The following DNAH11 variants were observed in gnomAD, a reference collection of about 807,000 sequenced individuals.
DNAH11 encodes the protein axonemal beta dynein heavy chain 11.
In DNAH11, 442 loss-of-function variants were observed where a neutral mutation model predicts 526.0. The observed-to-expected ratio is 0.84, with a 90% CI of 0.78 to 0.91. The LOEUF (loss-of-function observed/expected upper bound fraction) is 0.91. Ranked by LOEUF, DNAH11 falls within the 40% of genes least tolerant of loss-of-function variation. The probability of loss-of-function intolerance (pLI) is 0.00; values close to 1 mark genes in which losing one functional copy is unlikely to be tolerated. For missense variants in DNAH11, 6,989 were observed against 5,448.7 expected, an observed-to-expected ratio of 1.28 and a Z score of -8.90; for synonymous variants, 2,461 against 1,935.9, an observed-to-expected ratio of 1.27 and a Z score of -7.12.
chr7:21,691,085 T>C (rs1302666604), intron 35 of DNAH11, among the ~76,000 whole-genome samples: 2 of 152,232 alleles, frequency 1.3e-5, no homozygotes, highest in African/African-American at 4.8e-5. Context: ...AAATCAGTAT[T>C]TAAAAGTTAC....
intron 30 of DNAH11, among the ~76,000 whole-genome samples, chr7:21,663,435 C>G (rs1267795091): frequency 6.6e-6 from 1 of 152,074 alleles, no homozygotes; most frequent in Non-Finnish European, 1.5e-5. Flanking sequence ...AATTTATATT[C>G]TCACGAAGAA....
chr7:21,620,014 A>G lies in DNAH11; in HGVS notation c.4436A>G (p.Tyr1479Cys), dbSNP rs758744109. 3.7e-6 allele frequency: 6 copies of G among 1,610,152 alleles called. No homozygotes were observed. Among genetic ancestry groups the G allele is most frequent in the East Asian group, 2.2e-5 (1 of 44,690 alleles). ...ATGAAGTTTTCTTACGAAGTTCACT[A>G]TCGAACAGGCATTCCATTACTAAAG... ...ATMKFSYEVHYRTGIPLLKSD... is the reference protein window; with the variant it reads ...ATMKFSYEVHCRTGIPLLKSD... Residue 1479 changes from tyrosine to cysteine, a missense_variant, in exon 25 of 82, where the codon TAT becomes TGT. Coordinates refer to ENST00000409508, the MANE Select transcript of DNAH11 (RefSeq NM_001277115.2).
chr7:21,857,370 G>T (rs1305329334), intron 68 of DNAH11, among the ~76,000 whole-genome samples: 2 of 152,096 alleles, frequency 1.3e-5, no homozygotes, highest in Non-Finnish European at 2.9e-5. Flanking sequence ...GCTCAATATT[G>T]TTAAGATGTC....
chr7:21,606,819 G>A, intron 20 of DNAH11, 86 bp downstream of exon 20: 3 of 1,189,652 alleles, frequency 2.5e-6, no homozygotes, highest in Non-Finnish European at 3.6e-6. Context: ...GCCACATTTT[G>A]TCTTTGTTTT....
At chr7:21,773,518 T>C (rs1787528895) in intron 55 of DNAH11, among the ~76,000 whole-genome samples, 1 of 152,108 alleles carries the variant, frequency 6.6e-6, no homozygotes, top group South Asian at 2.1e-4. Context: ...GGCTTTTGTA[T>C]TTGGTATGTG....
chr7:21,574,849 G>A (rs530981498), intron 8 of DNAH11, among the ~76,000 whole-genome samples: 17 of 142,942 alleles, frequency 1.2e-4, no homozygotes, highest in African/African-American at 2.6e-4. Context: ...GATTACAGGC[G>A]TGAGCCACTG....
At chr7:21,843,803 T>A (rs1426750924) in intron 66 of DNAH11, among the ~76,000 whole-genome samples, 1 of 152,196 alleles carries the variant, frequency 6.6e-6, no homozygotes, top group Non-Finnish European at 1.5e-5. Flanking sequence ...TTTCTAATAA[T>A]AAATTTGAGT....
chr7:21,854,320 T>C lies in DNAH11; in HGVS notation c.11067T>C (p.Ile3689=). Residue 3689 remains isoleucine (I), a synonymous_variant, in exon 68 of 82, where the codon ATT becomes ATC. Coordinates refer to ENST00000409508, the MANE Select transcript of DNAH11 (RefSeq NM_001277115.2). The part of the protein sequence containing the change: ...TTVAEIEHKV[I]EAKENERKIN... ...TTTGTTTGATCCCACCATAGGTGAT[T>C]GAAGCCAAAGAAAATGAAAGAAAAA... 6.2e-7 allele frequency: 1 copy of C among 1,613,660 alleles called. No homozygotes were observed. The highest frequency in any genetic ancestry group is 8.5e-7 in the Non-Finnish European group (1 of 1,179,774).
At position 21,807,961 on chromosome 7, in the gene DNAH11, C is replaced by G. The variant is rs778003957; in HGVS notation, c.10244C>G (p.Ala3415Gly). The stretch of plus-strand genomic sequence containing the variant: ...CTCTGTGGAGATGTTCTTCTCACGG[C>G]GGCATTTGTGTCTTACGTCGGACCC... The part of the protein sequence containing the change: ...KTLCGDVLLT[A>G]AFVSYVGPFT... The change falls in exon 63 of 82, where the codon GCG (alanine) becomes GGG (glycine). Residue 3415 changes from alanine to glycine, a missense_variant. Physicochemically the swap from Ala to Gly is moderately conservative, Grantham distance 60. Coordinates refer to ENST00000409508, the MANE Select transcript of DNAH11 (RefSeq NM_001277115.2). 1 of 1,608,028 alleles carries G rather than the reference C, an allele frequency of 6.2e-7. No individual in the cohort carries two copies. Among genetic ancestry groups the G allele is most frequent in the Admixed American group, 1.7e-5 (1 of 59,836 alleles).
intron 55 of DNAH11, 118 bp from the exon 56 acceptor site, chr7:21,773,648 T>C: frequency 1.3e-6 from 1 of 778,780 alleles, no homozygotes; most frequent in Non-Finnish European, 2.0e-6. Flanking sequence ...TTTCGTAGGT[T>C]ATACTATCAT....
At chr7:21,750,618 C>A (rs1278267059) in intron 54 of DNAH11, among the ~76,000 whole-genome samples, 1 of 152,176 alleles carries the variant, frequency 6.6e-6, no homozygotes, top group African/African-American at 2.4e-5. Context: ...GAGGAACTTA[C>A]ACTATTGTAG....
chr7:21,555,815 T>G (rs888692498), intron 2 of DNAH11, among the ~76,000 whole-genome samples: 1 of 152,160 alleles, frequency 6.6e-6, no homozygotes, highest in Admixed American at 6.5e-5. Flanking sequence ...CACTTAAATT[T>G]TGTGGGACGT....
chr7:21,572,248 C>A (rs1783922285), intron 8 of DNAH11, among the ~76,000 whole-genome samples: 1 of 152,140 alleles, frequency 6.6e-6, no homozygotes, highest in African/African-American at 2.4e-5. Flanking sequence ...CAGAAACTTT[C>A]CACATGAATT....
chr7:21,831,008 G>C (rs1790529189), intron 65 of DNAH11, among the ~76,000 whole-genome samples: 1 of 152,180 alleles, frequency 6.6e-6, no homozygotes, highest in Non-Finnish European at 1.5e-5. Flanking sequence ...AATCCTATGG[G>C]AGCAGCCCCG....
At position 21,560,137 on chromosome 7, in the gene DNAH11, T is replaced by A. The variant is rs183673582; in HGVS notation, c.882+345T>A. Among the ~76,000 whole-genome samples, 6 of 152,304 alleles carry A rather than the reference T, an allele frequency of 3.9e-5. No homozygotes were observed. The East Asian group carries it at 1.2e-3, about 29-fold the overall frequency. ...CTTGCTTGGTAGAGAGACACAGCTT[T>A]GGAAAGACTAACTTTGGTTCCTCTG... On this transcript the variant is annotated intron_variant, in intron 4 of 81. Coordinates refer to ENST00000409508, the MANE Select transcript of DNAH11 (RefSeq NM_001277115.2).
chr7:21,678,236 G>GT lies in DNAH11; in HGVS notation c.5329-3302dup, dbSNP rs199857777. On this transcript the variant is annotated intron_variant, in intron 30 of 81. Coordinates refer to ENST00000409508, the MANE Select transcript of DNAH11 (RefSeq NM_001277115.2). ...TCTTTAAGTCTTTGATTCATTTTGA[G>GT]TTTTTTTTGTGTGTGTATAGTGTAA... Among the ~76,000 whole-genome samples the GT allele has an allele frequency of 3.6e-3, 538 of 150,228 alleles. 3 individuals are homozygous for GT. Among genetic ancestry groups the GT allele is most frequent in the Middle Eastern group, 6.9e-3 (2 of 290 alleles).
intron 68 of DNAH11, among the ~76,000 whole-genome samples, chr7:21,856,990 G>A (rs1022436286): frequency 1.3e-5 from 2 of 152,164 alleles, no homozygotes; most frequent in Admixed American, 6.6e-5. Flanking sequence ...GGTACAGTAA[G>A]ACAATAGAAG....
Position 21,620,129 on chromosome 7 carries a change from C to A in DNAH11, c.4500+51C>A, listed in dbSNP as rs1296408247. The A allele has an allele frequency of 8.7e-6, 12 of 1,384,004 alleles. No individual in the cohort carries two copies. In the South Asian group the frequency reaches 1.6e-4, roughly 19 times the overall value. 85.7% of individuals were successfully genotyped at this position (1,384,004 alleles called of 1,614,324 possible). On this transcript the variant is annotated intron_variant, in intron 25 of 81. Coordinates refer to ENST00000409508, the MANE Select transcript of DNAH11 (RefSeq NM_001277115.2). ...TATTTTTCATTTTATTTTTATTTGA[C>A]AAATAATTGTATATATAGGGTACCA...
rs560422029 is a variant in DNAH11, at chr7:21,826,521, C to G, written c.10691+8182C>G. 2.0e-5 allele frequency among the ~76,000 whole-genome samples: 3 copies of G among 151,904 alleles called. No homozygotes were observed. In the South Asian group the frequency reaches 6.2e-4, roughly 32 times the overall value. On this transcript the variant is annotated intron_variant, in intron 65 of 81. Transcript: ENST00000409508. Reference sequence around the variant, plus strand: ...GAACAGAAAATTTTTGAAAATTAATCTACATGTTTGTAAATTTTATAATGG... The same window carrying G: ...GAACAGAAAATTTTTGAAAATTAATGTACATGTTTGTAAATTTTATAATGG...
Sources: gnomAD v4.1 joint callset for allele counts (sites outside exome capture counted in the v4.1 genomes callset) on GRCh38, gnomAD v4.1.1 for gene constraint, MANE v1.5 for transcripts, NCBI Gene and HGNC (gene_info 2026-07-23, HGNC 2026-07-21) for gene names.